AADAT: variants seen among roughly 807,000 people sequenced by gnomAD.
AADAT encodes aminoadipate aminotransferase.
Under a neutral mutation model 56.2 loss-of-function variants are expected in AADAT, and 25 were observed. That is an observed-to-expected ratio of 0.44 (90% CI 0.32 to 0.62). The LOEUF (loss-of-function observed/expected upper bound fraction) is 0.62, where lower values mean the gene tolerates loss of function less well. Among genes scored for constraint, AADAT ranks in the 20% least tolerant of loss-of-function variants. The pLI is 0.04. For missense variants in AADAT, 387 were observed against 510.5 expected, an observed-to-expected ratio of 0.76 and a Z score of 2.33; for synonymous variants, 173 against 164.7, an observed-to-expected ratio of 1.05 and a Z score of -0.39.
intron 3 of AADAT, among the ~76,000 whole-genome samples, chr4:170,086,520 T>G (rs143502731): frequency 6.6e-6 from 1 of 152,030 alleles, no homozygotes; most frequent in African/African-American, 2.4e-5. Flanking sequence ...TACAGACAGA[T>G]ATGTAAAAGA....
chr4:170,093,177 C>T (rs1732918905), upstream of AADAT, among the ~76,000 whole-genome samples: 1 of 151,976 alleles, frequency 6.6e-6, no homozygotes, highest in African/African-American at 2.4e-5. Context: ...GCCTGTAATC[C>T]CAGCACTTTG....
intron 1 of AADAT, 87 bp downstream of exon 1, chr4:170,089,537 C>T (rs776329908): frequency 6.0e-6 from 9 of 1,501,648 alleles, no homozygotes; most frequent in Non-Finnish European, 8.3e-6. Context: ...TGGATGCAAC[C>T]AAGCGGTGGC....
chr4:170,086,717 A>T (rs1732580594), intron 3 of AADAT, among the ~76,000 whole-genome samples: 2 of 152,160 alleles, frequency 1.3e-5, no homozygotes, highest in African/African-American at 4.8e-5. Context: ...TCCTGCTTTA[A>T]TGGTTAATAG....
chr4:170,078,704 T>C lies in AADAT; in HGVS notation c.370-121A>G, dbSNP rs983433999. ...CTAGAGTAAGAATTAGCAAATTGTT[T>C]ATAAGGGGCCAAACAGTAAACACTT... On this transcript the variant is annotated intron_variant, in intron 3 of 12. Coordinates refer to ENST00000337664, the MANE Select transcript of AADAT (RefSeq NM_016228.4). 2.1e-5 allele frequency: 12 copies of C among 565,620 alleles called. No individual in the cohort carries two copies. In the Admixed American group the frequency reaches 3.2e-4, roughly 15 times the overall value. The allele number at this position is 565,620 out of a possible 1,614,324, so 35.0% of individuals were successfully genotyped here. A position where few individuals can be genotyped will look rare whatever the true frequency, so the allele number is the denominator to read the frequency against.
chr4:170,075,180 C>T (rs1003463668), intron 4 of AADAT, among the ~76,000 whole-genome samples: 1 of 152,258 alleles, frequency 6.6e-6, no homozygotes, highest in East Asian at 1.9e-4. Context: ...TATATGCACG[C>T]TTTATATGTA....
At chr4:170,075,118 G>A (rs188653335) in intron 4 of AADAT, among the ~76,000 whole-genome samples, 58 of 152,210 alleles carry the variant, frequency 3.8e-4, no homozygotes, top group Non-Finnish European at 6.0e-4. Flanking sequence ...TCAAAGCTTG[G>A]CATACAGTTT....
upstream of AADAT, among the ~76,000 whole-genome samples, chr4:170,090,969 T>C (rs1476602197): frequency 6.6e-6 from 1 of 152,202 alleles, no homozygotes; most frequent in Admixed American, 6.5e-5. Context: ...CCACTGCTTT[T>C]ATCTAGGTCC....
At chr4:170,092,723 C>T (rs188683182), upstream of AADAT, among the ~76,000 whole-genome samples, 6 of 152,344 alleles carry the variant, frequency 3.9e-5, no homozygotes, top group Non-Finnish European at 7.3e-5. Context: ...TTGGTTTTCT[C>T]GCAGGCATGT....
chr4:170,087,784 A>G (rs926227611), intron 2 of AADAT, among the ~76,000 whole-genome samples: 4 of 152,014 alleles, frequency 2.6e-5, no homozygotes, highest in Non-Finnish European at 5.9e-5. Flanking sequence ...TATCACTTGA[A>G]GAAGACCAGC....
At position 170,069,149 on chromosome 4, in the gene AADAT, C is replaced by T; in HGVS notation, c.802G>A (p.Gly268Arg). 1 of 1,613,348 alleles carries T rather than the reference C, an allele frequency of 6.2e-7. No homozygotes were observed. The highest frequency in any genetic ancestry group is 8.5e-7 in the Non-Finnish European group (1 of 1,179,626). Reference protein sequence around the residue: ...ADSFSKIISSGLRIGFLTGPK... With the variant: ...ADSFSKIISSRLRIGFLTGPK... ...CAAGTTAGAGACACAGGGCCTTACC[C>T]AGAGGAAATGATTTTTGAAAAAGAG... The change falls in exon 7 of 13, where the codon GGG (glycine) becomes AGG (arginine). Residue 268 changes from glycine (G) to arginine (R), a missense_variant and splice_region_variant. Physicochemically the swap from Gly to Arg is moderately radical, Grantham distance 125. Coordinates refer to ENST00000337664, the MANE Select transcript of AADAT (RefSeq NM_016228.4).
At chr4:170,069,292 T>G (rs1731646241) in intron 6 of AADAT, 62 bp from the exon 7 acceptor site, 1 of 1,341,494 alleles carries the variant, frequency 7.5e-7, no homozygotes, top group African/African-American at 1.5e-5. Flanking sequence ...TGTACGATTA[T>G]TTTGAATAGA....
At chr4:170,081,446 CAGA>C (rs1383512893) in intron 3 of AADAT, among the ~76,000 whole-genome samples, 2 of 152,076 alleles carry the variant, frequency 1.3e-5, no homozygotes, top group Admixed American at 1.3e-4. Context: ...ATCCAGGCCA[CAGA>C]AGAAGGTCTG....
intron 1 of AADAT, 70 bp downstream of exon 1, chr4:170,089,553 AG>A: frequency 6.3e-7 from 1 of 1,578,958 alleles, no homozygotes; most frequent in Middle Eastern, 1.7e-4. Flanking sequence ...GTGGCTTGCT[AG>A]GGAACCCTCC....
At chr4:170,072,055 A>T (rs1731791997) in intron 5 of AADAT, among the ~76,000 whole-genome samples, 1 of 152,174 alleles carries the variant, frequency 6.6e-6, no homozygotes, top group Admixed American at 6.5e-5. Context: ...ACAGAAGCAT[A>T]GGCCTCAGGG....
intron 3 of AADAT, among the ~76,000 whole-genome samples, chr4:170,080,064 G>A (rs1354640197): frequency 6.6e-6 from 1 of 152,162 alleles, no homozygotes; most frequent in African/African-American, 2.4e-5. Context: ...AGAGCTAGAG[G>A]AGGACAGTGT....
chr4:170,068,538 TAAAA>T, intron 8 of AADAT, 49 bp downstream of exon 8: 2 of 1,388,760 alleles, frequency 1.4e-6, no homozygotes, highest in Admixed American at 2.3e-5. Flanking sequence ...ATTATTTTTT[TAAAA>T]TTCTAATCTG....
chr4:170,062,006 G>A lies in AADAT; in HGVS notation c.1135-13C>T, dbSNP rs1373406330. On this transcript the variant is annotated splice_polypyrimidine_tract_variant and intron_variant, in intron 11 of 12. Coordinates refer to ENST00000337664, the MANE Select transcript of AADAT (RefSeq NM_016228.4). ...GGAGCATTAATACCTAAGAGAGTTT[G>A]TGGAAGATAAGTAATGTACCACTAA... The A allele has an allele frequency of 1.9e-6, 3 of 1,586,360 alleles. No homozygotes were observed. The highest frequency in any genetic ancestry group is 2.2e-5 in the East Asian group (1 of 44,576).
In AADAT at chr4:170,060,903, C is replaced by T; in HGVS notation, c.*25G>A. On this transcript the variant is annotated 3_prime_UTR_variant, in exon 13 of 13. Coordinates refer to ENST00000337664, the MANE Select transcript of AADAT (RefSeq NM_016228.4). ...GTGCTGGGATTATAGGTGTGAGCCA[C>T]CATGCCCAACCTAGTTTAATTTCTT... 6.5e-7 allele frequency: 1 copy of T among 1,537,890 alleles called. No individual in the cohort carries two copies. Among genetic ancestry groups the T allele is most frequent in the Non-Finnish European group, 8.8e-7 (1 of 1,142,062 alleles).
At chr4:170,081,022 T>C (rs1732276836) in intron 3 of AADAT, among the ~76,000 whole-genome samples, 1 of 152,134 alleles carries the variant, frequency 6.6e-6, no homozygotes, top group Admixed American at 6.5e-5. Flanking sequence ...AAAATAGCAG[T>C]TTTAAGAAAA....
Sources: gnomAD v4.1 joint callset for allele counts (sites outside exome capture counted in the v4.1 genomes callset) on GRCh38, gnomAD v4.1.1 for gene constraint, MANE v1.5 for transcripts, NCBI Gene and HGNC (gene_info 2026-07-23, HGNC 2026-07-21) for gene names.